The following MBOAT2 variants were observed in gnomAD, a reference collection of about 807,000 sequenced individuals.
MBOAT2 encodes the protein membrane bound glycerophospholipid O-acyltransferase 2.
Under a neutral mutation model 63.4 loss-of-function variants are expected in MBOAT2, and 28 were observed. The ratio of observed to expected loss-of-function variants is 0.44; its 90% CI spans 0.33 to 0.61. MBOAT2 has a LOEUF of 0.61. MBOAT2 is among the 20% of genes least tolerant of loss of function. MBOAT2 has a pLI of 0.03. For missense variants in MBOAT2, 470 were observed against 605.8 expected (o/e 0.78, Z 2.35); for synonymous variants, 211 against 215.6 (o/e 0.98, Z 0.19).
intron 1 of MBOAT2, among the ~76,000 whole-genome samples, chr2:8,966,483 C>G (rs1669993469): frequency 6.6e-6 from 1 of 152,154 alleles, no homozygotes; most frequent in South Asian, 2.1e-4. Context: ...TTTTTATTCC[C>G]CAGTCTGAAA....
chr2:8,956,039 T>C (rs1387325491), intron 2 of MBOAT2, among the ~76,000 whole-genome samples: 6 of 152,212 alleles, frequency 3.9e-5, no homozygotes, highest in African/African-American at 1.4e-4. Flanking sequence ...AGGGTAAATA[T>C]AACTTTTAAA....
intron 7 of MBOAT2, among the ~76,000 whole-genome samples, chr2:8,875,234 C>T (rs760447001): frequency 2.6e-5 from 4 of 152,016 alleles, no homozygotes; most frequent in Non-Finnish European, 5.9e-5. Context: ...TGACTAACTA[C>T]CACTATTTGA....
At chr2:8,914,890 A>G (rs1666036006) in intron 3 of MBOAT2, among the ~76,000 whole-genome samples, 1 of 147,660 alleles carries the variant, frequency 6.8e-6, no homozygotes, top group African/African-American at 2.5e-5. Context: ...ATATTACTTA[A>G]TGTGCTTTTT....
intron 4 of MBOAT2, among the ~76,000 whole-genome samples, chr2:8,898,770 G>A (rs1664687339): frequency 6.6e-6 from 1 of 152,242 alleles, no homozygotes; most frequent in African/African-American, 2.4e-5. Context: ...GAAACTGGGA[G>A]TCAGAGTGCA....
intron 6 of MBOAT2, among the ~76,000 whole-genome samples, chr2:8,878,666 T>A (rs1019497792): frequency 6.6e-6 from 1 of 152,250 alleles, no homozygotes; most frequent in Admixed American, 6.5e-5. Context: ...TTATTTTTCT[T>A]TGATAAATTA....
chr2:8,894,493 G>A (rs777128008), intron 4 of MBOAT2, among the ~76,000 whole-genome samples: 3 of 152,210 alleles, frequency 2.0e-5, no homozygotes, highest in African/African-American at 7.2e-5. Flanking sequence ...GTTGCTGGGC[G>A]CCATGTGCGG....
intron 1 of MBOAT2, among the ~76,000 whole-genome samples, chr2:8,963,554 T>C (rs2356773): frequency 0.11 from 17,294 of 152,088 alleles, 1,932 homozygotes; most frequent in African/African-American, 0.29. Context: ...CCACCCGCCT[T>C]GGCCTCCCAA....
In MBOAT2 at chr2:8,862,466, AGTGGAAAGGACAATACTGAC is replaced by A. The variant is rs964268731; in HGVS notation, c.1185+104_1185+123del. The A allele has an allele frequency of 2.1e-4, 279 of 1,354,060 alleles. No homozygotes were observed. The highest frequency in any genetic ancestry group is 2.7e-4 in the Non-Finnish European group (271 of 987,260). 83.9% of individuals were successfully genotyped at this position (1,354,060 alleles called of 1,614,324 possible). A position where few individuals can be genotyped will look rare whatever the true frequency, so the allele number is the denominator to read the frequency against. ...TGCACGCAGTACACACCTCGCTTCT[AGTGGAAAGGACAATACTGAC>A]CACGACCAAGGAAAGAGGGTCTACC... is the stretch of plus-strand genomic sequence containing the variant. On this transcript the variant is annotated intron_variant, in intron 11 of 12. Transcript: ENST00000305997. This position sits in a 1 kb window ranked among gnomAD's most constrained non-coding sequence, Gnocchi z 4.3.
chr2:8,886,608 A>G (rs953523268), intron 5 of MBOAT2, among the ~76,000 whole-genome samples: 1 of 152,142 alleles, frequency 6.6e-6, no homozygotes, highest in Non-Finnish European at 1.5e-5. Context: ...AAGTGTATGA[A>G]CTCCTCAAAT....
At position 8,862,078 on chromosome 2, in the gene MBOAT2, C is replaced by G. The variant is rs745445469; in HGVS notation, c.1185+512G>C. Among the ~76,000 whole-genome samples, 1 of 152,196 alleles carries G rather than the reference C, an allele frequency of 6.6e-6. No homozygotes were observed. Among genetic ancestry groups the G allele is most frequent in the Non-Finnish European group, 1.5e-5 (1 of 68,036 alleles). ...AAATTATCCTTCTCCTTATTTCTTT[C>G]ATGTCACCAACCTAATTTCTCAATT... On this transcript the variant is annotated intron_variant, in intron 11 of 12. Coordinates refer to ENST00000305997, the MANE Select transcript of MBOAT2 (RefSeq NM_138799.4). This position sits in a 1 kb window ranked among gnomAD's most constrained non-coding sequence, Gnocchi z 4.3.
intron 8 of MBOAT2, among the ~76,000 whole-genome samples, chr2:8,870,517 C>T (rs1235618498): frequency 6.6e-6 from 1 of 152,056 alleles, no homozygotes; most frequent in Non-Finnish European, 1.5e-5. Context: ...GATTTTTGGA[C>T]CTCCAGAGAT....
At chr2:8,873,589 A>G (rs375944256) in intron 7 of MBOAT2, among the ~76,000 whole-genome samples, 10 of 152,220 alleles carry the variant, frequency 6.6e-5, no homozygotes, top group African/African-American at 1.4e-4. Context: ...AAAAGCAAGC[A>G]TAAGTGTATT....
At chr2:8,994,986 C>T (rs543107178) in intron 1 of MBOAT2, among the ~76,000 whole-genome samples, 11 of 152,366 alleles carry the variant, frequency 7.2e-5, no homozygotes, top group African/African-American at 2.4e-4. Flanking sequence ...CAGCTCGCCA[C>T]ATACGTTGCT....
chr2:8,873,738 A>G (rs897936662), intron 7 of MBOAT2, among the ~76,000 whole-genome samples: 3 of 152,190 alleles, frequency 2.0e-5, no homozygotes, highest in Admixed American at 6.5e-5. Context: ...TATTTTTACA[A>G]TAAACAATCT....
At chr2:8,984,259 T>G (rs1362209628) in intron 1 of MBOAT2, among the ~76,000 whole-genome samples, 1 of 152,162 alleles carries the variant, frequency 6.6e-6, no homozygotes, top group Non-Finnish European at 1.5e-5. Context: ...AATAGGGAGT[T>G]GCTTAATGAA....
intron 3 of MBOAT2, among the ~76,000 whole-genome samples, chr2:8,910,753 C>A (rs1402360383): frequency 2.0e-5 from 3 of 152,224 alleles, no homozygotes; most frequent in South Asian, 2.1e-4. Context: ...TAGAGGATTA[C>A]AATTAGATAC....
Position 8,862,331 on chromosome 2 carries a change from AC to A in MBOAT2, c.1185+258del. On this transcript the variant is annotated intron_variant, in intron 11 of 12. Coordinates refer to ENST00000305997, the MANE Select transcript of MBOAT2 (RefSeq NM_138799.4). This position sits in a 1 kb window ranked among gnomAD's most constrained non-coding sequence, Gnocchi z 4.3. ...CTCTCCTTCAGAAAATTCTGTAAAG[AC>A]AAAGTAACATTTTGTGAGTGCCTCC... 1 of 1,403,674 alleles carries A rather than the reference AC, an allele frequency of 7.1e-7. No homozygotes were observed. Among genetic ancestry groups the A allele is most frequent in the East Asian group, 3.5e-5 (1 of 28,860 alleles). The allele number at this position is 1,403,674 out of a possible 1,614,324, so 87.0% of individuals were successfully genotyped here.
chr2:8,946,049 A>C (rs1668392711), intron 2 of MBOAT2, among the ~76,000 whole-genome samples: 2 of 152,224 alleles, frequency 1.3e-5, no homozygotes, highest in Non-Finnish European at 2.9e-5. Context: ...AAGAGATTAG[A>C]TAAACACAAA....
At chr2:8,985,779 C>T (rs1238048623) in intron 1 of MBOAT2, among the ~76,000 whole-genome samples, 2 of 152,160 alleles carry the variant, frequency 1.3e-5, no homozygotes, top group Non-Finnish European at 2.9e-5. Flanking sequence ...ACTACTGTGA[C>T]CACAAGCCAA....
Sources: allele counts gnomAD v4.1 joint callset (sites outside exome capture counted in the v4.1 genomes callset), GRCh38; gene constraint gnomAD v4.1.1; non-coding constraint Gnocchi (gnomAD v3.1); transcripts MANE v1.5; gene names NCBI Gene and HGNC (gene_info 2026-07-23, HGNC 2026-07-21).